The following REEP3 variants were observed in gnomAD, a reference collection of about 807,000 sequenced individuals.
REEP3 encodes receptor expression-enhancing protein 3.
Under a neutral mutation model 41.3 loss-of-function variants are expected in REEP3, and 20 were observed. That is an observed-to-expected ratio of 0.48 (90% CI 0.34 to 0.70). REEP3 has a LOEUF of 0.70. Among genes scored for constraint, REEP3 ranks in the 30% least tolerant of loss-of-function variants. The probability of loss-of-function intolerance (pLI) is 0.01; values close to 1 mark genes in which losing one functional copy is unlikely to be tolerated. For synonymous variants in REEP3, 104 were observed against 101.8 expected, an observed-to-expected ratio of 1.02 and a Z score of -0.13; for missense variants, 271 against 308.8, an observed-to-expected ratio of 0.88 and a Z score of 0.92.
At chr10:63,606,198 C>A (rs185470859) in intron 5 of REEP3, 56 of 511,244 alleles carry the variant, frequency 1.1e-4, no homozygotes, top group Non-Finnish European at 1.3e-4. Flanking sequence ...AATGGTAATC[C>A]CGCCTTTCCT....
At chr10:63,540,991 A>G (rs891328189) in intron 1 of REEP3, among the ~76,000 whole-genome samples, 2 of 152,178 alleles carry the variant, frequency 1.3e-5, no homozygotes, top group African/African-American at 4.8e-5. Context: ...ATCAAATGTT[A>G]TCATTGATTA....
At chr10:63,616,655 G>A (rs951613509) in intron 6 of REEP3, among the ~76,000 whole-genome samples, 55 of 152,128 alleles carry the variant, frequency 3.6e-4, no homozygotes, top group African/African-American at 1.3e-3. Flanking sequence ...CAAGGACTGG[G>A]TTTGTTGAAC....
chr10:63,587,494 G>A (rs576041263), intron 2 of REEP3, among the ~76,000 whole-genome samples: 1 of 152,288 alleles, frequency 6.6e-6, no homozygotes, highest in African/African-American at 2.4e-5. Context: ...CTTATACTGC[G>A]GTAGGCTAAG....
chr10:63,583,884 GAA>G (rs1955978949), intron 2 of REEP3, among the ~76,000 whole-genome samples: 2 of 152,208 alleles, frequency 1.3e-5, no homozygotes, highest in African/African-American at 4.8e-5. Context: ...TTGGGACTGA[GAA>G]GTCATTCCTT....
At chr10:63,599,816 A>T (rs947020702) in intron 5 of REEP3, 1 of 302,802 alleles carries the variant, frequency 3.3e-6, no homozygotes, top group Non-Finnish European at 4.9e-6. Flanking sequence ...AAGTTATCAA[A>T]TGAATGTGTT....
At chr10:63,618,237 C>CTTTTTTTTTTT (rs60115766) in intron 6 of REEP3, among the ~76,000 whole-genome samples, 1 of 66,576 alleles carries the variant, frequency 1.5e-5, no homozygotes, top group Non-Finnish European at 2.9e-5. Flanking sequence ...TTTCCTTCTT[C>CTTTTTTTTTTT]TTTTTTTTTT....
At chr10:63,584,980 T>C (rs771619026) in intron 2 of REEP3, among the ~76,000 whole-genome samples, 3 of 152,228 alleles carry the variant, frequency 2.0e-5, no homozygotes, top group Admixed American at 6.5e-5. Flanking sequence ...GTGTGATTTT[T>C]CATTTTTTCT....
intron 1 of REEP3, among the ~76,000 whole-genome samples, chr10:63,528,239 T>C (rs1955385244): frequency 6.6e-6 from 1 of 152,200 alleles, no homozygotes; most frequent in South Asian, 2.1e-4. Flanking sequence ...CATCCAAAAC[T>C]AGGCTCTTGA....
chr10:63,533,470 G>C (rs1156237173), intron 1 of REEP3, among the ~76,000 whole-genome samples: 1 of 152,060 alleles, frequency 6.6e-6, no homozygotes, highest in East Asian at 1.9e-4. Context: ...CTTCCAAGTT[G>C]TTCATTCAGT....
chr10:63,562,255 GTTTT>G (rs562176985), intron 1 of REEP3, among the ~76,000 whole-genome samples: 2 of 136,074 alleles, frequency 1.5e-5, no homozygotes, highest in African/African-American at 5.3e-5. Context: ...ATAAGGCAGA[GTTTT>G]TTTTTTTTTT....
chr10:63,579,341 T>G (rs891018373), intron 2 of REEP3, among the ~76,000 whole-genome samples: 8 of 152,272 alleles, frequency 5.3e-5, no homozygotes, highest in East Asian at 3.9e-4. Context: ...CTTCATTGTG[T>G]TTTCTAAAAA....
chr10:63,576,071 T>C (rs1280804191), intron 2 of REEP3, among the ~76,000 whole-genome samples: 1 of 152,220 alleles, frequency 6.6e-6, no homozygotes, highest in Non-Finnish European at 1.5e-5. Context: ...TCGTTTGAAT[T>C]CTGTTTTACA....
At chr10:63,619,605 C>G in intron 6 of REEP3, 50 bp from the exon 7 acceptor site, 1 of 1,543,290 alleles carries the variant, frequency 6.5e-7, no homozygotes, top group Non-Finnish European at 8.8e-7. Context: ...AGAGCCGGCG[C>G]TGACTGGTGT....
chr10:63,567,692 G>A (rs1955813087), intron 2 of REEP3, among the ~76,000 whole-genome samples: 1 of 152,082 alleles, frequency 6.6e-6, no homozygotes. Flanking sequence ...TTGATTCTTT[G>A]GGATATATAG....
intron 5 of REEP3, among the ~76,000 whole-genome samples, chr10:63,603,785 G>A (rs1415642148): frequency 6.6e-6 from 1 of 152,178 alleles, no homozygotes; most frequent in Non-Finnish European, 1.5e-5. Context: ...CATTAAATAT[G>A]CTGAACATAG....
At chr10:63,604,650 T>TA (rs933051037) in intron 5 of REEP3, among the ~76,000 whole-genome samples, 15 of 150,826 alleles carry the variant, frequency 9.9e-5, no homozygotes, top group East Asian at 1.9e-4. Context: ...ATTATACACT[T>TA]AAAAAAAAAG....
intron 5 of REEP3, chr10:63,599,822 G>A (rs2133413440): frequency 3.6e-6 from 1 of 281,094 alleles, no homozygotes; most frequent in Middle Eastern, 1.7e-3. Context: ...TCAAATGAAT[G>A]TGTTCTGTAA....
intron 2 of REEP3, among the ~76,000 whole-genome samples, chr10:63,575,952 T>G (rs185331748): frequency 6.6e-6 from 1 of 152,276 alleles, no homozygotes; most frequent in East Asian, 1.9e-4. Flanking sequence ...AGGCTGGTCT[T>G]GAACTACCGA....
At chr10:63,566,935 G>A (rs1469780880) in intron 2 of REEP3, among the ~76,000 whole-genome samples, 3 of 151,920 alleles carry the variant, frequency 2.0e-5, no homozygotes, top group Non-Finnish European at 4.4e-5. Flanking sequence ...TTTGTTTTTA[G>A]TTTCCTCTTC....
Sources: gnomAD v4.1 joint callset for allele counts (sites outside exome capture counted in the v4.1 genomes callset) on GRCh38, gnomAD v4.1.1 for gene constraint, MANE v1.5 for transcripts, NCBI Gene and HGNC (gene_info 2026-07-23, HGNC 2026-07-21) for gene names.